SLC9A8: variants seen among roughly 807,000 people sequenced by gnomAD.
SLC9A8 encodes sodium/hydrogen exchanger 8.
A neutral mutation model predicts 66.6 loss-of-function variants in SLC9A8; 48 were observed. That is an observed-to-expected ratio of 0.72 (90% CI 0.57 to 0.92). The LOEUF is 0.92. Ranked by LOEUF, SLC9A8 falls within the 40% of genes least tolerant of loss-of-function variation. The pLI, the probability that SLC9A8 is intolerant of heterozygous loss-of-function variation, is 0.00. For missense variants in SLC9A8, 599 were observed against 747.3 expected (o/e 0.80, Z 2.31); for synonymous variants, 274 against 282.6 (o/e 0.97, Z 0.31).
chr20:49,881,346 C>T (rs1455304094), intron 13 of SLC9A8, among the ~76,000 whole-genome samples: 1 of 149,818 alleles, frequency 6.7e-6, no homozygotes, highest in Non-Finnish European at 1.5e-5. Context: ...GCTTCAGCGC[C>T]TCCCTGGGGG....
At chr20:49,881,319 G>A (rs976917610) in intron 13 of SLC9A8, among the ~76,000 whole-genome samples, 6 of 152,058 alleles carry the variant, frequency 3.9e-5, no homozygotes, top group South Asian at 2.1e-4. Context: ...AGTGCAGTCC[G>A]GGATGCAGCT....
At chr20:49,864,946 C>A in intron 10 of SLC9A8, 102 bp downstream of exon 10, 1 of 770,494 alleles carries the variant, frequency 1.3e-6, no homozygotes, top group Non-Finnish European at 2.3e-6. Context: ...AAGAGACAGT[C>A]ACAACTCAGA....
At chr20:49,828,692 A>G (rs546246475) in intron 3 of SLC9A8, among the ~76,000 whole-genome samples, 2 of 151,762 alleles carry the variant, frequency 1.3e-5, no homozygotes, top group African/African-American at 4.8e-5. Context: ...TACAAAAATT[A>G]CCCAAGCATG....
chr20:49,864,613 C>G, intron 9 of SLC9A8, 126 bp from the exon 10 acceptor site: 1 of 667,574 alleles, frequency 1.5e-6, no homozygotes, highest in Non-Finnish European at 2.7e-6. Context: ...CATTTGTAAC[C>G]TTGGGACATT....
At chr20:49,855,827 G>T (rs537907928) in intron 8 of SLC9A8, among the ~76,000 whole-genome samples, 24 of 152,232 alleles carry the variant, frequency 1.6e-4, no homozygotes, top group African/African-American at 5.8e-4. Context: ...GTCTCGCTCT[G>T]TCACCCAAGC....
In SLC9A8 at chr20:49,884,332, ACACACC is replaced by A. The variant is rs1364049248; in HGVS notation, c.1491+268_1491+273del. 6.7e-3 allele frequency among the ~76,000 whole-genome samples: 899 copies of A among 133,614 alleles called. 160 individuals carry two copies. Among genetic ancestry groups the A allele is most frequent in the African/African-American group, 0.023 (768 of 33,746 alleles). 87.7% of individuals were successfully genotyped at this position (133,614 alleles called of 152,430 possible). On this transcript the variant is annotated intron_variant, in intron 14 of 15. Coordinates refer to ENST00000361573, the MANE Select transcript of SLC9A8 (RefSeq NM_015266.3). Reference sequence around the variant, plus strand: ...CACACACACACACACACACACACACACACACCCCCCGGTCATCCCCCCTGAGAAGGA... The same window carrying A: ...CACACACACACACACACACACACACACCCCGGTCATCCCCCCTGAGAAGGA...
rs2089956627 is a variant in SLC9A8, at chr20:49,888,092, A to G, written c.*156A>G. ...ACTGGCTGCAGAGTCGCCTTAGTCC[A>G]GAACCTGACAGGCCTCTGGAGCCAG... On this transcript the variant is annotated 3_prime_UTR_variant, in exon 16 of 16. Coordinates refer to ENST00000361573, the MANE Select transcript of SLC9A8 (RefSeq NM_015266.3). The G allele has an allele frequency of 1.4e-5, 8 of 588,232 alleles. No homozygotes were observed. Among genetic ancestry groups the G allele is most frequent in the South Asian group, 7.7e-5 (4 of 51,902 alleles). 36.4% of individuals were successfully genotyped at this position (588,232 alleles called of 1,614,324 possible).
At chr20:49,819,445 C>G (rs1488219139) in intron 2 of SLC9A8, among the ~76,000 whole-genome samples, 1 of 152,114 alleles carries the variant, frequency 6.6e-6, no homozygotes, top group East Asian at 1.9e-4. Context: ...TTTGTTTTGA[C>G]ATAAATGGGG....
At chr20:49,870,628 G>GAAAAA (rs1056480812) in intron 10 of SLC9A8, among the ~76,000 whole-genome samples, 2 of 152,006 alleles carry the variant, frequency 1.3e-5, no homozygotes, top group African/African-American at 4.8e-5. Flanking sequence ...GGAAGCCCTT[G>GAAAAA]AAAAAAAATC....
intron 3 of SLC9A8, chr20:49,830,905 A>G: frequency 1.0e-6 from 1 of 979,052 alleles, no homozygotes; most frequent in Non-Finnish European, 1.7e-6. Flanking sequence ...CTGCAAGGAA[A>G]CTTTAAGCCT....
intron 14 of SLC9A8, among the ~76,000 whole-genome samples, chr20:49,885,647 G>A (rs941910431): frequency 6.6e-6 from 1 of 152,258 alleles, no homozygotes; most frequent in African/African-American, 2.4e-5. Flanking sequence ...GCTCCTCTGA[G>A]GATGAACCGC....
intron 4 of SLC9A8, among the ~76,000 whole-genome samples, chr20:49,840,475 T>C (rs1311991130): frequency 6.6e-6 from 1 of 152,212 alleles, no homozygotes; most frequent in Non-Finnish European, 1.5e-5. Flanking sequence ...GGTGCTAGGA[T>C]TAATTGACCT....
chr20:49,883,799 C>T, intron 13 of SLC9A8, 47 bp from the exon 14 acceptor site: 2 of 1,495,738 alleles, frequency 1.3e-6, no homozygotes, highest in Non-Finnish European at 1.8e-6. Flanking sequence ...GCCCATGAAG[C>T]TGCTGCCTCT....
chr20:49,871,374 C>G (rs2089201471), intron 10 of SLC9A8, among the ~76,000 whole-genome samples: 1 of 152,208 alleles, frequency 6.6e-6, no homozygotes, highest in Non-Finnish European at 1.5e-5. Context: ...GATTTCCTCT[C>G]TCCCTTTCTT....
chr20:49,872,209 C>A (rs1038930555), intron 10 of SLC9A8, among the ~76,000 whole-genome samples: 1 of 152,154 alleles, frequency 6.6e-6, no homozygotes, highest in African/African-American at 2.4e-5. Flanking sequence ...TTTTCCTTCG[C>A]CCACCATGTC....
At chr20:49,858,101 A>T (rs894705854) in intron 8 of SLC9A8, among the ~76,000 whole-genome samples, 2 of 152,182 alleles carry the variant, frequency 1.3e-5, no homozygotes, top group East Asian at 3.8e-4. Context: ...CTTATACCCC[A>T]AATATTGTAC....
Position 49,886,022 on chromosome 20 carries a change from A to T in SLC9A8, c.1492-730A>T, listed in dbSNP as rs1301477325. 6.6e-6 allele frequency among the ~76,000 whole-genome samples: 1 copy of T among 152,120 alleles called. No homozygotes were observed. The highest frequency in any genetic ancestry group is 2.4e-5 in the African/African-American group (1 of 41,400). On this transcript the variant is annotated intron_variant, in intron 14 of 15. Coordinates refer to ENST00000361573, the MANE Select transcript of SLC9A8 (RefSeq NM_015266.3). This position sits in a 1 kb window ranked among gnomAD's most constrained non-coding sequence, Gnocchi z 4.8. Reference sequence around the variant, plus strand: ...GCCCCCCAGGTAGATTCTAATACAGACCAGTGTTTGACAACCACTGCTTCA... The same window carrying T: ...GCCCCCCAGGTAGATTCTAATACAGTCCAGTGTTTGACAACCACTGCTTCA...
At chr20:49,863,851 G>C (rs542636335) in intron 9 of SLC9A8, 3 of 152,212 alleles carry the variant, frequency 2.0e-5, no homozygotes, top group African/African-American at 7.2e-5. Context: ...CACCTGGCCC[G>C]CCTCCACGAG....
In SLC9A8 at chr20:49,890,284, G is replaced by GT. The variant is rs893246076; in HGVS notation, c.*2356dup. Reference sequence around the variant, plus strand: ...CATAGAAGTCTGTTTTTCTGGGTCAGTTTTTTTTGCCTGAGAATAACAAAT... The same window carrying GT: ...CATAGAAGTCTGTTTTTCTGGGTCAGTTTTTTTTTGCCTGAGAATAACAAAT... On this transcript the variant is annotated 3_prime_UTR_variant, in exon 16 of 16. Coordinates refer to ENST00000361573, the MANE Select transcript of SLC9A8 (RefSeq NM_015266.3). The GT allele has an allele frequency of 3.1e-4, 47 of 152,026 alleles. 1 individual carries two copies. The highest frequency in any genetic ancestry group is 3.4e-3 in the Middle Eastern group (1 of 294). The allele number at this position is 152,026 out of a possible 1,614,324, so 9.4% of individuals were successfully genotyped here. A position where few individuals can be genotyped will look rare whatever the true frequency, so the allele number is the denominator to read the frequency against.
Sources: allele counts gnomAD v4.1 joint callset (sites outside exome capture counted in the v4.1 genomes callset), GRCh38; gene constraint gnomAD v4.1.1; non-coding constraint Gnocchi (gnomAD v3.1); transcripts MANE v1.5; gene names NCBI Gene and HGNC (gene_info 2026-07-23, HGNC 2026-07-21).